The following PTPRS variants were observed in gnomAD, a reference collection of about 807,000 sequenced individuals.
The protein encoded by PTPRS is receptor-type tyrosine-protein phosphatase S.
A neutral mutation model predicts 215.3 loss-of-function variants in PTPRS; 63 were observed. That is an observed-to-expected ratio of 0.29 (90% CI 0.24 to 0.36). PTPRS has a LOEUF of 0.36. Among genes scored for constraint, PTPRS ranks in the 10% least tolerant of loss-of-function variants. The pLI is 1.00. For synonymous variants in PTPRS, 1,404 were observed against 1,191.4 expected (o/e 1.18, Z -3.68); for missense variants, 2,258 against 2,825.8 (o/e 0.80, Z 4.56).
intron 1 of PTPRS, among the ~76,000 whole-genome samples, chr19:5,296,508 A>T (rs1366311242): frequency 6.6e-6 from 1 of 152,134 alleles, no homozygotes; most frequent in Non-Finnish European, 1.5e-5. Flanking sequence ...CTCTAAAAAA[A>T]TGTAAAATAA....
At chr19:5,327,020 C>T (rs1009382152) in intron 1 of PTPRS, among the ~76,000 whole-genome samples, 1 of 152,180 alleles carries the variant, frequency 6.6e-6, no homozygotes. Flanking sequence ...TCCACATTGA[C>T]GTGACTCAGT....
rs1402083728 is a variant in PTPRS at position 5,244,884 on chromosome 19, G to A, written c.989-402C>T. Among the ~76,000 whole-genome samples, 1 of 151,850 alleles carries A rather than the reference G, an allele frequency of 6.6e-6. No homozygotes were observed. The highest frequency in any genetic ancestry group is 1.5e-5 in the Non-Finnish European group (1 of 68,000). ...CGGGTTTCACTGTGTTAGCCAGGAT[G>A]GTCTCGATCTCCTGACCTCGTGATC... is the stretch of plus-strand genomic sequence containing the variant. On this transcript the variant is annotated intron_variant, in intron 10 of 37. Transcript: ENST00000262963. This position sits in a 1 kb window ranked among gnomAD's most constrained non-coding sequence, Gnocchi z 7.2.
intron 1 of PTPRS, among the ~76,000 whole-genome samples, chr19:5,311,533 G>T (rs1308196454): frequency 6.6e-6 from 1 of 152,182 alleles, no homozygotes; most frequent in Non-Finnish European, 1.5e-5. Flanking sequence ...TTTCCTTGGG[G>T]TCTGAAGGAA....
rs765115144 is a variant in PTPRS at position 5,222,927 on chromosome 19, G to A, written c.2865C>T (p.Pro955=). ...TVLLRWLPPV[P]AERNGAIVKY... ...TGACGATGGCCCCGTTGCGCTCGGC[G>A]GGCACGGGTGGCAGCCAGCGGAGAA... Residue 955 remains proline (P), a synonymous_variant, in exon 18 of 38, where the codon CCC becomes CCT. Transcript: ENST00000262963. 555 of 1,559,082 alleles carry A rather than the reference G, an allele frequency of 3.6e-4. No individual in the cohort carries two copies. Among genetic ancestry groups the A allele is most frequent in the Middle Eastern group, 6.7e-4 (4 of 5,954 alleles).
At chr19:5,267,216 G>C (rs867021427) in intron 4 of PTPRS, among the ~76,000 whole-genome samples, 1 of 148,728 alleles carries the variant, frequency 6.7e-6, no homozygotes. Context: ...ATGTGGGGGC[G>C]GGGGGGAGCG....
chr19:5,289,615 C>T (rs1180461056), intron 1 of PTPRS, among the ~76,000 whole-genome samples: 1 of 152,208 alleles, frequency 6.6e-6, no homozygotes, highest in African/African-American at 2.4e-5. Context: ...CTGCTCCAGC[C>T]GCATGGGCCT....
rs1193293022 is a variant in PTPRS, at chr19:5,214,579, C to A, written c.4476G>T (p.Arg1492=). ...GGCTCACCCGTGACTTCTCCTCCAG[C>A]CGCGTCATCATGACGATGGTCGCCG... is the stretch of plus-strand genomic sequence containing the variant. The part of the protein sequence containing the change: ...QRSATIVMMT[R]LEEKSRIKCD... The change falls in exon 29 of 38, where the codon CGG becomes CGT. Residue 1492 remains arginine, a synonymous_variant. Transcript: ENST00000262963. 10 of 1,611,524 alleles carry A rather than the reference C, an allele frequency of 6.2e-6. No homozygotes were observed. In the South Asian group the frequency reaches 1.1e-4, roughly 18 times the overall value.
intron 37 of PTPRS, 149 bp from the exon 38 acceptor site, chr19:5,206,991 A>C (rs2040416628): frequency 1.5e-6 from 1 of 671,980 alleles, no homozygotes; most frequent in Admixed American, 2.6e-5. Flanking sequence ...TCCCACAATG[A>C]AGTGAGCTAT....
chr19:5,244,025 G>C lies in PTPRS; in HGVS notation c.1446C>G (p.Asp482Glu), dbSNP rs749829582. Residue 482 changes from aspartate to glutamate, a missense_variant, in exon 11 of 38, where the codon GAC (aspartate) becomes GAG (glutamate). By Grantham distance (45) the Asp-to-Glu change is conservative. This residue lies in a region of PTPRS where 508 missense variants were observed against 799.4 expected (regional missense o/e 0.64). Coordinates refer to ENST00000262963, the MANE Select transcript of PTPRS (RefSeq NM_002850.4). The surrounding 1 kb of genome is among the most constrained non-coding windows in gnomAD (Gnocchi z 7.2). Reference sequence around the variant, plus strand: ...GGCTGCCCACGGTGGTCAGCAGGCTGTCGTCCACGTTGTGCTTCTGCCAGT... The same window carrying C: ...GGCTGCCCACGGTGGTCAGCAGGCTCTCGTCCACGTTGTGCTTCTGCCAGT... The part of the protein sequence containing the change: ...VGNWQKHNVD[D>E]SLLTTVGSLL... 6.2e-7 allele frequency: 1 copy of C among 1,608,726 alleles called. No individual in the cohort carries two copies. The highest frequency in any genetic ancestry group is 1.3e-5 in the African/African-American group (1 of 75,042).
At position 5,238,960 on chromosome 19, in the gene PTPRS, C is replaced by T; in HGVS notation, c.1808G>A (p.Gly603Asp). 6.2e-7 allele frequency: 1 copy of T among 1,612,132 alleles called. No homozygotes were observed. The highest frequency in any genetic ancestry group is 8.5e-7 in the Non-Finnish European group (1 of 1,179,344). The change falls in exon 13 of 38, where the codon GGC becomes GAC. Residue 603 changes from glycine to aspartate, a missense_variant. Physicochemically the swap from Gly to Asp is moderately conservative, Grantham distance 94. Transcript: ENST00000262963. Reference sequence around the variant, plus strand: ...CTGCCGCACCACGGGGGTGAAGGCGCCCAGGCCCTGCGGCGAGCGGGCCGC... The same window carrying T: ...CTGCCGCACCACGGGGGTGAAGGCGTCCAGGCCCTGCGGCGAGCGGGCCGC... ...RLAARSPQGL[G>D]AFTPVVRQRT...
Position 5,214,677 on chromosome 19 carries a change from C to A in PTPRS, c.4378G>T (p.Ala1460Ser). 1 of 1,613,006 alleles carries A rather than the reference C, an allele frequency of 6.2e-7. No individual in the cohort carries two copies. The highest frequency in any genetic ancestry group is 8.5e-7 in the Non-Finnish European group (1 of 1,179,826). ...AGCGGCCCCTGCGTGGCAATGTACG[C>A]GTTCTGACACCGGTAGCCGTCCACG... Reference protein sequence around the residue: ...NYVDGYRCQNAYIATQGPLPE... With the variant: ...NYVDGYRCQNSYIATQGPLPE... The change falls in exon 29 of 38, where the codon GCG becomes TCG. Residue 1460 changes from alanine (A) to serine (S), a missense_variant. By Grantham distance (99) the Ala-to-Ser change is moderately conservative. Coordinates refer to ENST00000262963, the MANE Select transcript of PTPRS (RefSeq NM_002850.4).
In PTPRS at chr19:5,240,221, C is replaced by T. The variant is rs575692671; in HGVS notation, c.1682G>A (p.Arg561Gln). ...ESIIKYELLF[R>Q]EGDHGREVGR... Reference sequence around the variant, plus strand: ...CACCTCCCGGCCATGGTCGCCTTCCCGGAAGAGGAGCTCGTACTTGATGAT... The same window carrying T: ...CACCTCCCGGCCATGGTCGCCTTCCTGGAAGAGGAGCTCGTACTTGATGAT... The change falls in exon 12 of 38, where the codon CGG (arginine) becomes CAG (glutamine). Residue 561 changes from arginine to glutamine, a missense_variant. Physicochemically the swap from Arg to Gln is conservative, Grantham distance 43. Transcript: ENST00000262963. 6.4e-5 allele frequency: 100 copies of T among 1,553,038 alleles called. No homozygotes were observed. The highest frequency in any genetic ancestry group is 1.4e-4 in the South Asian group (12 of 83,646).
chr19:5,252,207 C>T (rs970254362), intron 9 of PTPRS, among the ~76,000 whole-genome samples: 8 of 152,150 alleles, frequency 5.3e-5, no homozygotes, highest in African/African-American at 1.9e-4. Flanking sequence ...GCACTCAAGA[C>T]TCTGCGTTAA....
intron 1 of PTPRS, among the ~76,000 whole-genome samples, chr19:5,323,298 G>A (rs2050081248): frequency 6.6e-6 from 1 of 152,178 alleles, no homozygotes; most frequent in African/African-American, 2.4e-5. Context: ...GGCAGAGGTT[G>A]CATGAACCAA....
chr19:5,286,283 G>A (rs982481135), intron 1 of PTPRS, 49 bp from the exon 2 acceptor site: 4 of 869,238 alleles, frequency 4.6e-6, no homozygotes, highest in Non-Finnish European at 7.3e-6. Flanking sequence ...AAATCCAGGA[G>A]ACCTTCATGG....
In PTPRS at chr19:5,252,873, CAAA is replaced by C. The variant is rs769636796; in HGVS notation, c.718+3232_718+3234del. On this transcript the variant is annotated intron_variant, in intron 9 of 37. Transcript: ENST00000262963. Reference sequence around the variant, plus strand: ...GAGTGACAAGAGTGAAACTCCATCTCAAAAAAAAAAAAAAAAAAAAAAAGTAAA... The same window carrying C: ...GAGTGACAAGAGTGAAACTCCATCTCAAAAAAAAAAAAAAAAAAAAGTAAA... 1.1e-3 allele frequency among the ~76,000 whole-genome samples: 51 copies of C among 45,666 alleles called. 1 individual carries two copies. The highest frequency in any genetic ancestry group is 3.1e-3 in the African/African-American group (38 of 12,102). 30.0% of individuals were successfully genotyped at this position (45,666 alleles called of 152,430 possible).
chr19:5,277,655 C>CA (rs59687529), intron 2 of PTPRS: 11,277 of 377,338 alleles, frequency 0.03, 2 homozygotes, highest in East Asian at 0.07. Flanking sequence ...GACTCCATCT[C>CA]AAAAAAAAAA....
intron 1 of PTPRS, among the ~76,000 whole-genome samples, chr19:5,305,314 G>A (rs890736620): frequency 1.3e-5 from 2 of 151,584 alleles, no homozygotes; most frequent in African/African-American, 4.9e-5. Context: ...GGGAGGCTGA[G>A]AAAGGAGGAC....
intron 1 of PTPRS, among the ~76,000 whole-genome samples, chr19:5,323,998 G>A (rs1191684717): frequency 6.6e-6 from 1 of 152,136 alleles, no homozygotes; most frequent in East Asian, 1.9e-4. Context: ...GGGAGGCCAA[G>A]GTGGGTGGAA....
Sources: gnomAD v4.1 joint callset for allele counts (sites outside exome capture counted in the v4.1 genomes callset) on GRCh38, gnomAD v4.1.1 for gene constraint, gnomAD v4.1.1 regional missense constraint, Gnocchi (gnomAD v3.1) non-coding constraint, MANE v1.5 for transcripts, NCBI Gene and HGNC (gene_info 2026-07-23, HGNC 2026-07-21) for gene names.